Variants in SPAG16 observed in about 807,000 individuals in gnomAD.
SPAG16 encodes sperm-associated antigen 16 protein.
SPAG16 carries 86 observed loss-of-function variants against 80.4 expected under a neutral mutation model. The observed-to-expected ratio is 1.07, with a 90% CI of 0.90 to 1.28. The LOEUF (loss-of-function observed/expected upper bound fraction) is 1.28. Among genes scored for constraint, SPAG16 ranks in the 50% most tolerant of loss-of-function variants. The probability of loss-of-function intolerance (pLI) is 0.00; values close to 1 mark genes in which losing one functional copy is unlikely to be tolerated. For missense variants in SPAG16, 870 were observed against 765.3 expected, an observed-to-expected ratio of 1.14 and a Z score of -1.61; for synonymous variants, 294 against 265.9, an observed-to-expected ratio of 1.11 and a Z score of -1.03.
chr2:213,830,522 G>T (rs1307698383), intron 10 of SPAG16, among the ~76,000 whole-genome samples: 1 of 152,100 alleles, frequency 6.6e-6, no homozygotes, highest in Non-Finnish European at 1.5e-5. Context: ...TGTTAAATTT[G>T]GTGTTCCTGC....
chr2:213,481,884 T>G (rs1340882087), intron 9 of SPAG16, among the ~76,000 whole-genome samples: 3 of 152,208 alleles, frequency 2.0e-5, no homozygotes, highest in African/African-American at 7.2e-5. Context: ...ACAAGTTTAT[T>G]AAGGTTGCCA....
At chr2:213,671,397 C>T (rs2063807134) in intron 10 of SPAG16, among the ~76,000 whole-genome samples, 3 of 152,118 alleles carry the variant, frequency 2.0e-5, no homozygotes, top group South Asian at 2.1e-4. Context: ...CAAGATTTCT[C>T]TAAGAACTCT....
At position 213,587,272 on chromosome 2, in the gene SPAG16, A is replaced by AT. The variant is rs2060506953; in HGVS notation, c.1070+97183dup. Among the ~76,000 whole-genome samples the AT allele has an allele frequency of 3.3e-5, 5 of 152,302 alleles. No homozygotes were observed. The South Asian group carries it at 1.0e-3, about 32-fold the overall frequency. ...CCCACAACTTTGCTGGGTACAGTGC[A>AT]TGCTGTACCTGGGTCAGCTGGAGCC... On this transcript the variant is annotated intron_variant, in intron 10 of 15. Transcript: ENST00000331683.
At chr2:214,039,967 T>C (rs969627783) in intron 13 of SPAG16, among the ~76,000 whole-genome samples, 1 of 152,152 alleles carries the variant, frequency 6.6e-6, no homozygotes, top group Non-Finnish European at 1.5e-5. Flanking sequence ...CATAGGGTTG[T>C]AGAAAATTGT....
chr2:213,780,572 T>TG lies in SPAG16; in HGVS notation c.1071-81913_1071-81912insG, dbSNP rs71063776. Among the ~76,000 whole-genome samples, 188 of 19,762 alleles carry TG rather than the reference T, an allele frequency of 9.5e-3. 1 individual carries two copies. The highest frequency in any genetic ancestry group is 0.02 in the African/African-American group (184 of 9,330). 13.0% of individuals were successfully genotyped at this position (19,762 alleles called of 152,430 possible). ...GGTCCAAACATTTTTCTTTTCTTTCTTTTTTTTTTTTTTTTTTGGTGGTGA... is the reference window on the plus strand; with the variant it reads ...GGTCCAAACATTTTTCTTTTCTTTCTGTTTTTTTTTTTTTTTTTGGTGGTGA... On this transcript the variant is annotated intron_variant, in intron 10 of 15. Transcript: ENST00000331683.
chr2:213,382,116 TGA>T (rs1344989494), intron 9 of SPAG16, among the ~76,000 whole-genome samples: 2 of 152,192 alleles, frequency 1.3e-5, no homozygotes, highest in African/African-American at 4.8e-5. Flanking sequence ...TAGGTATAGT[TGA>T]GGGACATGTG....
At chr2:213,532,746 C>T (rs1006941047) in intron 10 of SPAG16, among the ~76,000 whole-genome samples, 1 of 151,784 alleles carries the variant, frequency 6.6e-6, no homozygotes, top group Non-Finnish European at 1.5e-5. Context: ...CAGGCATGAG[C>T]CATCGCACTC....
Position 213,862,993 on chromosome 2 carries a change from G to C in SPAG16, c.1214+365G>C, listed in dbSNP as rs1466027356. Among the ~76,000 whole-genome samples the C allele has an allele frequency of 2.6e-5, 4 of 152,102 alleles. No homozygotes were observed. The East Asian group carries it at 7.7e-4, about 29-fold the overall frequency. The stretch of plus-strand genomic sequence containing the variant: ...GTTAATCTTTGGAGTTTTCCTTTTA[G>C]AATTAATTTATGTACCAAAAAGGAT... On this transcript the variant is annotated intron_variant, in intron 11 of 15. Transcript: ENST00000331683.
At chr2:213,988,388 C>G (rs1165682825) in intron 12 of SPAG16, among the ~76,000 whole-genome samples, 1 of 152,018 alleles carries the variant, frequency 6.6e-6, no homozygotes, top group South Asian at 2.1e-4. Flanking sequence ...TGATTTAAAT[C>G]TTACAGAGTA....
intron 5 of SPAG16, among the ~76,000 whole-genome samples, chr2:213,332,834 T>C (rs1414952930): frequency 6.6e-6 from 1 of 152,216 alleles, no homozygotes; most frequent in African/African-American, 2.4e-5. Flanking sequence ...CCCTTTATGA[T>C]AAAAACTCTC....
rs1479036502 is a variant in SPAG16, at chr2:213,422,231, C to T, written c.942+47112C>T. On this transcript the variant is annotated intron_variant, in intron 9 of 15. Coordinates refer to ENST00000331683, the MANE Select transcript of SPAG16 (RefSeq NM_024532.5). ...CTGTGACACCCTCTTTGGGGCTGTG[C>T]AGTTTCAGATGTTTCCAAGCATCCA... 4 of 701,698 alleles carry T rather than the reference C, an allele frequency of 5.7e-6. No individual in the cohort carries two copies. In the East Asian group the frequency reaches 8.0e-5, roughly 14 times the overall value. 43.5% of individuals were successfully genotyped at this position (701,698 alleles called of 1,614,324 possible).
intron 10 of SPAG16, among the ~76,000 whole-genome samples, chr2:213,748,465 A>G (rs1475135755): frequency 2.6e-5 from 4 of 151,952 alleles, no homozygotes; most frequent in Non-Finnish European, 5.9e-5. Flanking sequence ...ATTAAGTTGA[A>G]AAAAAATGAA....
chr2:214,177,648 G>T (rs1363047629), intron 15 of SPAG16, among the ~76,000 whole-genome samples: 6 of 150,446 alleles, frequency 4.0e-5, no homozygotes, highest in Non-Finnish European at 8.9e-5. Flanking sequence ...AAACAAAAAT[G>T]CTTCTTATGG....
At chr2:214,247,105 C>A (rs1689903652) in intron 15 of SPAG16, among the ~76,000 whole-genome samples, 1 of 152,042 alleles carries the variant, frequency 6.6e-6, no homozygotes, top group Non-Finnish European at 1.5e-5. Flanking sequence ...TTGAGGGCTA[C>A]AGGCTGGGTG....
intron 10 of SPAG16, among the ~76,000 whole-genome samples, chr2:213,585,202 A>AG (rs1365293201): frequency 6.6e-6 from 1 of 152,044 alleles, no homozygotes; most frequent in Non-Finnish European, 1.5e-5. Context: ...AAAAAAAAAA[A>AG]AAGTCTTGAA....
chr2:213,418,345 A>G (rs772757096), intron 9 of SPAG16, among the ~76,000 whole-genome samples: 6 of 152,208 alleles, frequency 3.9e-5, no homozygotes, highest in Non-Finnish European at 8.8e-5. Context: ...CTTCTCTGTT[A>G]CCAGGATCTG....
chr2:213,541,725 C>A (rs879738838), intron 10 of SPAG16, among the ~76,000 whole-genome samples: 6 of 152,174 alleles, frequency 3.9e-5, no homozygotes, highest in Non-Finnish European at 8.8e-5. Flanking sequence ...AATTTCAGAC[C>A]TCTATCGACA....
In SPAG16 at chr2:214,298,814, C is replaced by T. The variant is rs57239275; in HGVS notation, c.1721-111326C>T. On this transcript the variant is annotated intron_variant, in intron 15 of 15. Transcript: ENST00000331683. The stretch of plus-strand genomic sequence containing the variant: ...AAGAATTAATATGGTCCAAATTTGG[C>T]AAAGACTGCTCTAGATTTTTTTCTT... 1.2e-3 allele frequency among the ~76,000 whole-genome samples: 178 copies of T among 152,162 alleles called. 1 individual carries two copies. Among genetic ancestry groups the T allele is most frequent in the African/African-American group, 4.0e-3 (168 of 41,512 alleles).
intron 10 of SPAG16, among the ~76,000 whole-genome samples, chr2:213,562,979 C>T (rs1005030769): frequency 6.6e-6 from 1 of 152,220 alleles, no homozygotes; most frequent in Admixed American, 6.5e-5. Flanking sequence ...CTTCCTAACA[C>T]CATCACGCTG....
Sources: allele counts gnomAD v4.1 joint callset (sites outside exome capture counted in the v4.1 genomes callset), GRCh38; gene constraint gnomAD v4.1.1; transcripts MANE v1.5; gene names NCBI Gene and HGNC (gene_info 2026-07-23, HGNC 2026-07-21).